Variants in DOCK2 observed in about 807,000 individuals in gnomAD.
DOCK2 encodes the protein dedicator of cytokinesis 2.
DOCK2 carries 87 observed loss-of-function variants against 248.9 expected under a neutral mutation model. The observed-to-expected ratio is 0.35, with a 90% CI of 0.29 to 0.42. The LOEUF (loss-of-function observed/expected upper bound fraction) is 0.42, where lower values mean the gene tolerates loss of function less well. Among genes scored for constraint, DOCK2 ranks in the 10% least tolerant of loss-of-function variants. DOCK2 has a pLI of 1.00. For missense variants in DOCK2, 1,747 were observed against 2,300.2 expected (o/e 0.76, Z 4.92); for synonymous variants, 805 against 821.6 (o/e 0.98, Z 0.35).
In DOCK2 at chr5:170,080,159, C is replaced by T. The variant is rs746884777; in HGVS notation, c.5167-4C>T. 1.9e-6 allele frequency: 3 copies of T among 1,614,068 alleles called. No individual in the cohort carries two copies. Among genetic ancestry groups the T allele is most frequent in the Admixed American group, 3.3e-5 (2 of 60,014 alleles). ...GTGTGTGTGTGTCTGGTGTATTCCTCCAGCTTTCCAGGAAGCATGAGTTCA... is the reference window on the plus strand; with the variant it reads ...GTGTGTGTGTGTCTGGTGTATTCCTTCAGCTTTCCAGGAAGCATGAGTTCA... On this transcript the variant is annotated splice_region_variant and splice_polypyrimidine_tract_variant and intron_variant, in intron 49 of 51. Coordinates refer to ENST00000520908, the MANE Select transcript of DOCK2 (RefSeq NM_004946.3).
Position 169,911,703 on chromosome 5 carries a change from G to T in DOCK2, c.2799+70851G>T, listed in dbSNP as rs1774608824. Reference sequence around the variant, plus strand: ...TTTCCTATAATTAGCCAAGAAGTTGGTGCTACAGAGATGGTAAAAATTGAC... The same window carrying T: ...TTTCCTATAATTAGCCAAGAAGTTGTTGCTACAGAGATGGTAAAAATTGAC... On this transcript the variant is annotated intron_variant, in intron 27 of 51. Coordinates refer to ENST00000520908, the MANE Select transcript of DOCK2 (RefSeq NM_004946.3). Among the ~76,000 whole-genome samples, 3 of 152,164 alleles carry T rather than the reference G, an allele frequency of 2.0e-5. No homozygotes were observed. The South Asian group carries it at 6.2e-4, about 32-fold the overall frequency.
intron 8 of DOCK2, among the ~76,000 whole-genome samples, chr5:169,688,748 G>C (rs1156877076): frequency 6.6e-6 from 1 of 152,108 alleles, no homozygotes; most frequent in Non-Finnish European, 1.5e-5. Context: ...TTAGATAATG[G>C]CTGAGACCCT....
intron 26 of DOCK2, among the ~76,000 whole-genome samples, chr5:169,839,837 C>T (rs1190636822): frequency 1.3e-5 from 2 of 152,196 alleles, no homozygotes; most frequent in South Asian, 2.1e-4. Flanking sequence ...TCCCTCCAGC[C>T]TCCAAGTGAC....
chr5:169,905,293 G>GT (rs35677067), intron 27 of DOCK2, among the ~76,000 whole-genome samples: 97,514 of 146,066 alleles, frequency 0.67, 32,421 homozygotes, highest in East Asian at 0.75. Flanking sequence ...TAGAGCCAGT[G>GT]TTTTTTTTTT....
chr5:169,963,690 C>T (rs903732202), intron 27 of DOCK2, among the ~76,000 whole-genome samples: 6 of 152,074 alleles, frequency 3.9e-5, no homozygotes, highest in African/African-American at 7.2e-5. Flanking sequence ...CTCTTTTCAC[C>T]CTTTCTTTGC....
At chr5:169,717,813 G>A (rs1437576789) in intron 21 of DOCK2, among the ~76,000 whole-genome samples, 5 of 152,198 alleles carry the variant, frequency 3.3e-5, no homozygotes, top group African/African-American at 2.4e-5. Flanking sequence ...TGTAATCCCA[G>A]GACTTTGGGA....
chr5:169,770,194 C>T (rs1213768587), intron 25 of DOCK2, among the ~76,000 whole-genome samples: 1 of 151,912 alleles, frequency 6.6e-6, no homozygotes, highest in Non-Finnish European at 1.5e-5. Context: ...AGCATCCATG[C>T]ATTCACCACA....
At chr5:169,674,229 A>C in intron 5 of DOCK2, 68 bp from the exon 6 acceptor site, 1 of 1,577,744 alleles carries the variant, frequency 6.3e-7, no homozygotes, top group South Asian at 1.2e-5. Flanking sequence ...TGACTTTGGC[A>C]CAGCCTGCCA....
In DOCK2 at chr5:169,716,314, G is replaced by A. The variant is rs1461820987; in HGVS notation, c.2031+12G>A. 1.2e-6 allele frequency: 2 copies of A among 1,612,428 alleles called. No homozygotes were observed. Among genetic ancestry groups the A allele is most frequent in the Middle Eastern group, 1.7e-4 (1 of 6,056 alleles). On this transcript the variant is annotated intron_variant, in intron 20 of 51. Transcript: ENST00000520908. Reference sequence around the variant, plus strand: ...TCTTTGATGCCTTGGTAAGAGAGAGGGGAAAAGTGTCTAGTGACAACAGGC... The same window carrying A: ...TCTTTGATGCCTTGGTAAGAGAGAGAGGAAAAGTGTCTAGTGACAACAGGC...
chr5:169,980,408 A>G (rs1156262811), intron 27 of DOCK2: 1 of 152,218 alleles, frequency 6.6e-6, no homozygotes, highest in Non-Finnish European at 1.5e-5. Context: ...CACTGTTTAT[A>G]TGCAAGAAGT....
intron 27 of DOCK2, among the ~76,000 whole-genome samples, chr5:169,970,895 C>T (rs984780276): frequency 4.0e-5 from 6 of 150,792 alleles, no homozygotes; most frequent in East Asian, 2.0e-4. Context: ...AGTGTGGATC[C>T]GAATATACGT....
Position 170,079,051 on chromosome 5 carries a change from C to A in DOCK2, c.5071C>A (p.Pro1691Thr), listed in dbSNP as rs777749953. The change falls in exon 49 of 52, where the codon CCT becomes ACT. Residue 1691 changes from proline (P) to threonine (T), a missense_variant. By Grantham distance (38) the Pro-to-Thr change is conservative. Around this residue, in one of 4 missense-constraint regions of DOCK2, gnomAD observed 513 missense variants for 586.1 expected, o/e 0.88. Coordinates refer to ENST00000520908, the MANE Select transcript of DOCK2 (RefSeq NM_004946.3). ...EEPISPGSTL[P>T]EVKLRRSKKR... ...ACCGATCTCCCCGGGGAGCACCCTG[C>A]CTGAGGTCAAGCTGCGGAGGTCCAA... The A allele has an allele frequency of 2.5e-6, 4 of 1,614,120 alleles. No individual in the cohort carries two copies. In the South Asian group the frequency reaches 3.3e-5, roughly 13 times the overall value.
At chr5:169,812,782 C>G (rs960189691) in intron 26 of DOCK2, among the ~76,000 whole-genome samples, 9 of 152,240 alleles carry the variant, frequency 5.9e-5, no homozygotes, top group Non-Finnish European at 1.2e-4. Context: ...CTAAAACATC[C>G]CTATAATTCT....
At chr5:169,727,136 T>C (rs1239207688) in intron 22 of DOCK2, among the ~76,000 whole-genome samples, 1 of 151,818 alleles carries the variant, frequency 6.6e-6, no homozygotes, top group African/African-American at 2.4e-5. Flanking sequence ...AAAGAGACTC[T>C]CTAATTCTAA....
intron 22 of DOCK2, among the ~76,000 whole-genome samples, chr5:169,738,870 G>A (rs1763173676): frequency 1.3e-5 from 2 of 152,122 alleles, no homozygotes; most frequent in South Asian, 2.1e-4. Context: ...TCCTGTGACC[G>A]ATACCATTGC....
At chr5:169,868,192 T>G (rs1211354870) in intron 27 of DOCK2, among the ~76,000 whole-genome samples, 1 of 152,174 alleles carries the variant, frequency 6.6e-6, no homozygotes, top group African/African-American at 2.4e-5. Context: ...AACACAACAG[T>G]AAGTTAGACA....
intron 27 of DOCK2, among the ~76,000 whole-genome samples, chr5:169,910,049 G>A (rs1218541111): frequency 6.6e-6 from 1 of 152,040 alleles, no homozygotes; most frequent in Non-Finnish European, 1.5e-5. Context: ...TTTGCCATGA[G>A]GACACTTAAT....
intron 17 of DOCK2, among the ~76,000 whole-genome samples, chr5:169,713,077 T>A (rs967866214): frequency 1.3e-5 from 2 of 152,350 alleles, no homozygotes; most frequent in East Asian, 3.9e-4. Context: ...CTTCATCTCA[T>A]AGTACTCTTG....
intron 2 of DOCK2, among the ~76,000 whole-genome samples, chr5:169,660,674 C>T (rs1758397580): frequency 6.6e-6 from 1 of 152,186 alleles, no homozygotes; most frequent in South Asian, 2.1e-4. Context: ...CTTGACCTAT[C>T]CAAATTCTTT....
Sources: gnomAD v4.1 joint callset for allele counts (sites outside exome capture counted in the v4.1 genomes callset) on GRCh38, gnomAD v4.1.1 for gene constraint, gnomAD v4.1.1 regional missense constraint, MANE v1.5 for transcripts, NCBI Gene and HGNC (gene_info 2026-07-23, HGNC 2026-07-21) for gene names.